TCF3: variants seen among roughly 807,000 people sequenced by gnomAD.
TCF3 encodes transcription factor E2-alpha.
In TCF3, 54 loss-of-function variants were observed where a neutral mutation model predicts 72.3. The ratio of observed to expected loss-of-function variants is 0.75; its 90% CI spans 0.60 to 0.94. The LOEUF (loss-of-function observed/expected upper bound fraction) is 0.94. Ranked by LOEUF, TCF3 falls within the 40% of genes least tolerant of loss-of-function variation. TCF3 has a pLI of 0.00. For synonymous variants in TCF3, 525 were observed against 412.6 expected, an observed-to-expected ratio of 1.27 and a Z score of -3.30; for missense variants, 1,078 against 934.4, an observed-to-expected ratio of 1.15 and a Z score of -2.00.
chr19:1,626,304 G>A (rs1490276040), intron 6 of TCF3, among the ~76,000 whole-genome samples: 2 of 152,156 alleles, frequency 1.3e-5, no homozygotes, highest in Non-Finnish European at 2.9e-5. Flanking sequence ...TACAAAATTA[G>A]CCGGGTATGG....
chr19:1,637,297 C>T (rs2064567118), intron 3 of TCF3, among the ~76,000 whole-genome samples: 2 of 151,244 alleles, frequency 1.3e-5, no homozygotes, highest in Non-Finnish European at 2.9e-5. Context: ...CCGGGGATGC[C>T]TGGCAACCTC....
Position 1,650,237 on chromosome 19 carries a change from C to G in TCF3, c.12G>C (p.Pro4=), listed in dbSNP as rs750352850. Residue 4 remains proline (P), a synonymous_variant, in exon 2 of 19, where the codon CCG becomes CCC. Transcript: ENST00000262965. MNQ[P]QRMAPVGTDK... is the part of the protein sequence containing the mutation. ...CTGTGCCCACAGGCGCCATCCTCTG[C>G]GGCTGGTTCATTCTCCTGGGGCCAG... 9.6e-6 allele frequency: 15 copies of G among 1,566,004 alleles called. No individual in the cohort carries two copies. The highest frequency in any genetic ancestry group is 1.3e-5 in the Non-Finnish European group (15 of 1,156,506).
intron 5 of TCF3, among the ~76,000 whole-genome samples, chr19:1,630,141 T>C (rs896559124): frequency 2.6e-5 from 4 of 152,164 alleles, no homozygotes; most frequent in African/African-American, 9.7e-5. Flanking sequence ...CCGTGGGAAC[T>C]GCCCACGTCA....
At position 1,650,172 on chromosome 19, in the gene TCF3, C is replaced by T; in HGVS notation, c.72+5G>A. 2 of 1,566,012 alleles carry T rather than the reference C, an allele frequency of 1.3e-6. No homozygotes were observed. Among genetic ancestry groups the T allele is most frequent in the South Asian group, 1.2e-5 (1 of 85,198 alleles). On this transcript the variant is annotated splice_donor_5th_base_variant and intron_variant, in intron 2 of 18. Transcript: ENST00000262965. ...GTCGGGGGCTGGGCGGGGGTCCTGG[C>T]TCACCATGCTGAAGTCCAGGAGGTC... is the stretch of plus-strand genomic sequence containing the variant.
At chr19:1,627,253 G>T in intron 6 of TCF3, 106 bp downstream of exon 6, 1 of 578,578 alleles carries the variant, frequency 1.7e-6, no homozygotes, top group Non-Finnish European at 2.5e-6. Context: ...CTATCAGGAA[G>T]CAAACATAAC....
chr19:1,651,969 C>T (rs1445911429), intron 1 of TCF3, among the ~76,000 whole-genome samples: 1 of 151,102 alleles, frequency 6.6e-6, no homozygotes, highest in Non-Finnish European at 1.5e-5. Context: ...TGCGCCCGGG[C>T]TGGGGGGGAC....
At chr19:1,624,635 C>T (rs1000232187) in intron 7 of TCF3, among the ~76,000 whole-genome samples, 1 of 152,144 alleles carries the variant, frequency 6.6e-6, no homozygotes. Flanking sequence ...TTTGCAAACT[C>T]GCCTACAGGA....
At chr19:1,623,264 C>T (rs2062469867) in intron 8 of TCF3, among the ~76,000 whole-genome samples, 1 of 152,122 alleles carries the variant, frequency 6.6e-6, no homozygotes, top group Non-Finnish European at 1.5e-5. Context: ...CGAGATGAGA[C>T]CGCAGGAGTG....
At chr19:1,651,924 C>A (rs2067160123) in intron 1 of TCF3, among the ~76,000 whole-genome samples, 3 of 150,814 alleles carry the variant, frequency 2.0e-5, no homozygotes, top group Admixed American at 1.3e-4. Context: ...CCGGGCCCCC[C>A]TCTACCCGAG....
chr19:1,627,434 G>C lies in TCF3; in HGVS notation c.299-8C>G, dbSNP rs752836152. Reference sequence around the variant, plus strand: ...CCCGCTCACCGCTCTTGCCTGCAAGGGGAGAAGGAAGGTTAGTGGGAGGCG... The same window carrying C: ...CCCGCTCACCGCTCTTGCCTGCAAGCGGAGAAGGAAGGTTAGTGGGAGGCG... On this transcript the variant is annotated splice_region_variant and splice_polypyrimidine_tract_variant and intron_variant, in intron 5 of 18. Transcript: ENST00000262965. 18 of 1,611,650 alleles carry C rather than the reference G, an allele frequency of 1.1e-5. No individual in the cohort carries two copies. In the South Asian group the frequency reaches 2.0e-4, roughly 18 times the overall value.
chr19:1,618,271 G>T (rs971020136), intron 16 of TCF3, among the ~76,000 whole-genome samples: 9 of 152,000 alleles, frequency 5.9e-5, no homozygotes, highest in African/African-American at 1.9e-4. Flanking sequence ...TTCAGGAGAT[G>T]CAGGGCCCAC....
chr19:1,643,387 A>G (rs923143965), intron 3 of TCF3, among the ~76,000 whole-genome samples: 1 of 151,572 alleles, frequency 6.6e-6, no homozygotes, highest in African/African-American at 2.4e-5. Flanking sequence ...CGCCCAGCTA[A>G]TTTTTGTATT....
chr19:1,619,750 A>AGGGTGGGGTAGGGTGGGGTG (rs1555726043), intron 14 of TCF3, 30 bp downstream of exon 14: 1 of 922,250 alleles, frequency 1.1e-6, no homozygotes, highest in Non-Finnish European at 1.5e-6. Flanking sequence ...CTGTCGGGGA[A>AGGGTGGGGTAGGGTGGGGTG]GGGTGGGGTG....
chr19:1,620,805 C>G (rs2062101394), intron 13 of TCF3, among the ~76,000 whole-genome samples, 163 bp downstream of exon 13: 1 of 152,172 alleles, frequency 6.6e-6, no homozygotes, highest in Non-Finnish European at 1.5e-5. Flanking sequence ...GCCACGGGCC[C>G]TTGGGGGCCA....
chr19:1,644,401 G>T (rs1396131348), intron 3 of TCF3, among the ~76,000 whole-genome samples: 3 of 151,504 alleles, frequency 2.0e-5, no homozygotes, highest in Non-Finnish European at 3.0e-5. Flanking sequence ...CGGGGAGGGG[G>T]TCACCCCTCT....
chr19:1,618,053 C>T (rs920549808), intron 16 of TCF3, among the ~76,000 whole-genome samples: 22 of 152,146 alleles, frequency 1.4e-4, no homozygotes, highest in African/African-American at 4.8e-4. Context: ...ACAATGACCC[C>T]ACCTTCTCCT....
Position 1,609,436 on chromosome 19 carries a change from T to A in TCF3, c.*2271A>T, listed in dbSNP as rs1052954. The A allele has an allele frequency of 0.22, 44,879 of 200,264 alleles. 5,757 individuals carry two copies. The highest frequency in any genetic ancestry group is 0.4 in the East Asian group (4,964 of 12,340). 12.4% of individuals were successfully genotyped at this position (200,264 alleles called of 1,614,324 possible). A position where few individuals can be genotyped will look rare whatever the true frequency, so the allele number is the denominator to read the frequency against. Reference sequence around the variant, plus strand: ...TATACAATTATTTTCTTTAAAAAAATTTTTTTGAAAACCATCTTGAGGCAC... The same window carrying A: ...TATACAATTATTTTCTTTAAAAAAAATTTTTTGAAAACCATCTTGAGGCAC... On this transcript the variant is annotated 3_prime_UTR_variant, in exon 19 of 19. Transcript: ENST00000262965.
chr19:1,634,617 C>G (rs2064153197), intron 3 of TCF3, among the ~76,000 whole-genome samples: 1 of 152,240 alleles, frequency 6.6e-6, no homozygotes, highest in African/African-American at 2.4e-5. Context: ...GGTGGTTTCC[C>G]AGTCCCGGTC....
At chr19:1,618,198 C>T (rs1395329288) in intron 16 of TCF3, among the ~76,000 whole-genome samples, 1 of 152,094 alleles carries the variant, frequency 6.6e-6, no homozygotes. Context: ...CCAGAAATCC[C>T]AGAGCCACCC....
Sources: allele counts gnomAD v4.1 joint callset (sites outside exome capture counted in the v4.1 genomes callset), GRCh38; gene constraint gnomAD v4.1.1; transcripts MANE v1.5; gene names NCBI Gene and HGNC (gene_info 2026-07-23, HGNC 2026-07-21).